The following GALNT2 variants were observed in gnomAD, a reference collection of about 807,000 sequenced individuals.
The protein encoded by GALNT2 is polypeptide N-acetylgalactosaminyltransferase 2.
GALNT2 carries 31 observed loss-of-function variants against 81.4 expected under a neutral mutation model. The observed-to-expected ratio is 0.38, with a 90% CI of 0.29 to 0.51. The LOEUF (loss-of-function observed/expected upper bound fraction) is 0.51. Among genes scored for constraint, GALNT2 ranks in the 20% least tolerant of loss-of-function variants. The pLI is 0.87. For synonymous variants in GALNT2, 303 were observed against 287.4 expected (o/e 1.05, Z -0.55); for missense variants, 629 against 765.7 (o/e 0.82, Z 2.11).
intron 1 of GALNT2, among the ~76,000 whole-genome samples, chr1:230,112,385 G>A (rs1024021616): frequency 2.2e-5 from 3 of 133,810 alleles, no homozygotes; most frequent in Admixed American, 2.2e-4. Context: ...GCCGGGGGAG[G>A]GGGGGGGCCT....
intron 2 of GALNT2, among the ~76,000 whole-genome samples, chr1:230,183,284 A>G (rs1663217164): frequency 6.6e-6 from 1 of 152,170 alleles, no homozygotes; most frequent in African/African-American, 2.4e-5. Context: ...GATTGTTGAT[A>G]TATTTAAATT....
chr1:230,124,855 TGAG>T (rs36079089), intron 1 of GALNT2, among the ~76,000 whole-genome samples: 10,200 of 152,232 alleles, frequency 0.067, 504 homozygotes, highest in South Asian at 0.14. Flanking sequence ...TCTTTCTCTC[TGAG>T]AACCCAGCTA....
At position 230,279,341 on chromosome 1, in the gene GALNT2, C is replaced by G; in HGVS notation, c.1599C>G (p.His533Gln). The G allele has an allele frequency of 6.2e-7, 1 of 1,614,122 alleles. No individual in the cohort carries two copies. Among genetic ancestry groups the G allele is most frequent in the Non-Finnish European group, 8.5e-7 (1 of 1,180,010 alleles). Residue 533 changes from histidine to glutamine, a missense_variant, in exon 16 of 16, where the codon CAC becomes CAG. His to Gln is a conservative substitution (Grantham distance 24). Coordinates refer to ENST00000366672, the MANE Select transcript of GALNT2 (RefSeq NM_004481.5). This position sits in a 1 kb window ranked among gnomAD's most constrained non-coding sequence, Gnocchi z 4.6. ...TCGAGGGCAACTCCAAGCTGAGGCA[C>G]GTGGGCAGCAACCTGTGCCTGGACA... ...EQIEGNSKLR[H>Q]VGSNLCLDSR... is the part of the protein sequence containing the mutation.
chr1:230,072,659 T>G (rs1390158237), intron 1 of GALNT2, among the ~76,000 whole-genome samples: 1 of 152,224 alleles, frequency 6.6e-6, no homozygotes, highest in East Asian at 1.9e-4. Flanking sequence ...GGAAACACAC[T>G]GGCTTAGCCA....
Position 230,110,340 on chromosome 1 carries a change from GT to G in GALNT2, c.126+42936del, listed in dbSNP as rs375406924. On this transcript the variant is annotated intron_variant, in intron 1 of 15. Transcript: ENST00000366672. ...CTTGCTCTGAGGTTGAATAGAGAATGTTCAGGGCTGTTCTTATTTGAGTCAC... is the reference window on the plus strand; with the variant it reads ...CTTGCTCTGAGGTTGAATAGAGAATGTCAGGGCTGTTCTTATTTGAGTCAC... Among the ~76,000 whole-genome samples, 1,063 of 152,314 alleles carry G rather than the reference GT, an allele frequency of 7.0e-3. 17 individuals carry two copies. Among genetic ancestry groups the G allele is most frequent in the African/African-American group, 0.024 (996 of 41,572 alleles).
chr1:230,070,189 G>A lies in GALNT2; in HGVS notation c.126+2783G>A, dbSNP rs531607114. Among the ~76,000 whole-genome samples the A allele has an allele frequency of 2.6e-5, 4 of 152,316 alleles. No homozygotes were observed. The highest frequency in any genetic ancestry group is 5.9e-5 in the Non-Finnish European group (4 of 68,028). On this transcript the variant is annotated intron_variant, in intron 1 of 15. Transcript: ENST00000366672. The surrounding 1 kb of genome is among the most constrained non-coding windows in gnomAD (Gnocchi z 4.7). Reference sequence around the variant, plus strand: ...CCAGGCTCAGGACATGTATGTTAAAGCAGTTTATTCAAAATATTGTTTAAA... The same window carrying A: ...CCAGGCTCAGGACATGTATGTTAAAACAGTTTATTCAAAATATTGTTTAAA...
chr1:230,172,816 A>G (rs553354435), intron 1 of GALNT2, among the ~76,000 whole-genome samples: 1 of 152,372 alleles, frequency 6.6e-6, no homozygotes, highest in Non-Finnish European at 1.5e-5. Context: ...ATAACTATTT[A>G]ATAAACTCAC....
At position 230,193,672 on chromosome 1, in the gene GALNT2, A is replaced by G; in HGVS notation, c.221-9465A>G. 6.6e-6 allele frequency among the ~76,000 whole-genome samples: 1 copy of G among 152,144 alleles called. No homozygotes were observed. Among genetic ancestry groups the G allele is most frequent in the South Asian group, 2.1e-4 (1 of 4,828 alleles). ...GTTTGGAAAGGTAGCATTATTTTAA[A>G]CCAACATTTATTTGAACAAGTCATC... On this transcript the variant is annotated intron_variant, in intron 2 of 15. Transcript: ENST00000366672. This position sits in a 1 kb window ranked among gnomAD's most constrained non-coding sequence, Gnocchi z 4.3.
chr1:230,126,323 C>T (rs1661174686), intron 1 of GALNT2, among the ~76,000 whole-genome samples: 1 of 152,142 alleles, frequency 6.6e-6, no homozygotes, highest in Non-Finnish European at 1.5e-5. Context: ...TGGAAAGGGC[C>T]TGGTGATGAG....
chr1:230,231,087 T>C (rs746008428), intron 3 of GALNT2, among the ~76,000 whole-genome samples: 1 of 152,208 alleles, frequency 6.6e-6, no homozygotes, highest in Non-Finnish European at 1.5e-5. Context: ...GAGCCGCTGC[T>C]GCATGTGGAC....
At chr1:230,124,722 AGTC>A (rs1385215886) in intron 1 of GALNT2, among the ~76,000 whole-genome samples, 1 of 152,162 alleles carries the variant, frequency 6.6e-6, no homozygotes, top group Non-Finnish European at 1.5e-5. Flanking sequence ...TTTTGGCCTG[AGTC>A]CTTCTCATGA....
At chr1:230,103,410 G>T (rs1295368156) in intron 1 of GALNT2, among the ~76,000 whole-genome samples, 2 of 152,184 alleles carry the variant, frequency 1.3e-5, no homozygotes, top group East Asian at 3.9e-4. Context: ...CCACAGTGTT[G>T]AGCACCCAGA....
chr1:230,215,215 C>T (rs1302137781), intron 3 of GALNT2, among the ~76,000 whole-genome samples: 1 of 152,200 alleles, frequency 6.6e-6, no homozygotes, highest in Non-Finnish European at 1.5e-5. Context: ...CCTCAGCAAG[C>T]CCTGAAGTCC....
intron 3 of GALNT2, among the ~76,000 whole-genome samples, chr1:230,217,309 A>G (rs1022730011): frequency 6.6e-6 from 1 of 152,194 alleles, no homozygotes; most frequent in Non-Finnish European, 1.5e-5. Context: ...ACCTGAGGGA[A>G]GGGACGAGGG....
chr1:230,205,551 G>A (rs1407292665), intron 3 of GALNT2, among the ~76,000 whole-genome samples: 1 of 152,032 alleles, frequency 6.6e-6, no homozygotes, highest in Non-Finnish European at 1.5e-5. Flanking sequence ...TGCTGTCCTG[G>A]TTAAAGTCAG....
intron 1 of GALNT2, among the ~76,000 whole-genome samples, chr1:230,084,248 C>T (rs1048143588): frequency 5.9e-5 from 9 of 152,098 alleles, no homozygotes; most frequent in South Asian, 2.1e-4. Flanking sequence ...GGCTGGGGGA[C>T]GGTCACGCCA....
chr1:230,204,603 G>C (rs147077393), intron 3 of GALNT2, among the ~76,000 whole-genome samples: 3 of 152,294 alleles, frequency 2.0e-5, no homozygotes, highest in South Asian at 2.1e-4. Context: ...AACCCTCATT[G>C]TTATCCCATA....
At chr1:230,230,239 T>G (rs1425590932) in intron 3 of GALNT2, among the ~76,000 whole-genome samples, 1 of 152,172 alleles carries the variant, frequency 6.6e-6, no homozygotes, top group Non-Finnish European at 1.5e-5. Flanking sequence ...TTCTTAGTTT[T>G]TTGCCTGCAG....
At chr1:230,068,191 G>A (rs1047841627) in intron 1 of GALNT2, among the ~76,000 whole-genome samples, 1 of 152,258 alleles carries the variant, frequency 6.6e-6, no homozygotes, top group Non-Finnish European at 1.5e-5. Flanking sequence ...CATGCTCCAG[G>A]GGCCGAGTGA....
Sources: allele counts gnomAD v4.1 joint callset (sites outside exome capture counted in the v4.1 genomes callset), GRCh38; gene constraint gnomAD v4.1.1; non-coding constraint Gnocchi (gnomAD v3.1); transcripts MANE v1.5; gene names NCBI Gene and HGNC (gene_info 2026-07-23, HGNC 2026-07-21).